The following PPP4R3A variants were observed in gnomAD, a reference collection of about 807,000 sequenced individuals.
PPP4R3A encodes the protein serine/threonine-protein phosphatase 4 regulatory subunit 3A.
Under a neutral mutation model 91.7 loss-of-function variants are expected in PPP4R3A, and 15 were observed. The ratio of observed to expected loss-of-function variants is 0.16; its 90% confidence interval spans 0.11 to 0.25. The LOEUF (loss-of-function observed/expected upper bound fraction) is 0.25, where lower values mean the gene tolerates loss of function less well. Among genes scored for constraint, PPP4R3A ranks in the 10% least tolerant of loss-of-function variants. The pLI is 1.00. For synonymous variants in PPP4R3A, 377 were observed against 348.7 expected (o/e 1.08, Z -0.91); for missense variants, 623 against 998.4 (o/e 0.62, Z 5.07).
chr14:91,490,320 T>C (rs1449533826), intron 2 of PPP4R3A, among the ~76,000 whole-genome samples: 6 of 152,196 alleles, frequency 3.9e-5, no homozygotes, highest in Admixed American at 3.9e-4. Context: ...TAAGACCCTA[T>C]TCAGGAATCT....
intron 1 of PPP4R3A, among the ~76,000 whole-genome samples, chr14:91,507,356 T>C (rs1891369000): frequency 1.1e-5 from 1 of 88,536 alleles, no homozygotes; most frequent in African/African-American, 4.1e-5. Context: ...ATATACTATA[T>C]AGTATATATA....
Position 91,475,884 on chromosome 14 carries a change from T to C in PPP4R3A, c.1193A>G (p.Glu398Gly), listed in dbSNP as rs150940624. 2 of 1,613,650 alleles carry C rather than the reference T, an allele frequency of 1.2e-6. No homozygotes were observed. Among genetic ancestry groups the C allele is most frequent in the African/African-American group, 2.7e-5 (2 of 74,916 alleles). ...LVEYNPSMVR[E>G]FVMQEAQQND... Reference sequence around the variant, plus strand: ...CTGTTGTGCCTCCTGCATGACAAACTCTCGTACCATGGATGGATTATATTC... The same window carrying C: ...CTGTTGTGCCTCCTGCATGACAAACCCTCGTACCATGGATGGATTATATTC... Residue 398 changes from glutamate to glycine, a missense_variant, in exon 7 of 15, where the codon GAG becomes GGG. Coordinates refer to ENST00000554943, the MANE Select transcript of PPP4R3A (RefSeq NM_001366432.2).
At position 91,510,195 on chromosome 14, in the gene PPP4R3A, C is replaced by G; in HGVS notation, c.-548G>C. 1 of 153,954 alleles carries G rather than the reference C, an allele frequency of 6.5e-6. No homozygotes were observed. The highest frequency in any genetic ancestry group is 1.4e-5 in the Non-Finnish European group (1 of 69,440). 9.5% of individuals were successfully genotyped at this position (153,954 alleles called of 1,614,324 possible). A position where few individuals can be genotyped will look rare whatever the true frequency, so the allele number is the denominator to read the frequency against. Reference sequence around the variant, plus strand: ...CTGCCCGGGAGACTCTGAGGGCCCCCGGCCGCCCAAGCGACCCGGACTAGT... The same window carrying G: ...CTGCCCGGGAGACTCTGAGGGCCCCGGGCCGCCCAAGCGACCCGGACTAGT... On this transcript the variant is annotated 5_prime_UTR_variant, in exon 1 of 15. Coordinates refer to ENST00000554943, the MANE Select transcript of PPP4R3A (RefSeq NM_001366432.2).
At chr14:91,509,432 G>A (rs1299181245) in intron 1 of PPP4R3A, 74 bp downstream of exon 1, 4 of 1,527,024 alleles carry the variant, frequency 2.6e-6, no homozygotes, top group Non-Finnish European at 3.5e-6. Context: ...CGAGCGCCAT[G>A]CCCCGCAAGA....
At chr14:91,507,412 ACT>A (rs1891404936) in intron 1 of PPP4R3A, among the ~76,000 whole-genome samples, 1 of 101,624 alleles carries the variant, frequency 9.8e-6, no homozygotes, top group Non-Finnish European at 2.2e-5. Context: ...AATTATATAT[ACT>A]ATATAATATA....
intron 1 of PPP4R3A, among the ~76,000 whole-genome samples, chr14:91,500,390 G>A (rs933814496): frequency 5.9e-5 from 9 of 152,020 alleles, no homozygotes; most frequent in African/African-American, 1.9e-4. Context: ...TAATAGAGAC[G>A]GGGTTTCACC....
At chr14:91,508,697 T>C (rs1891565701) in intron 1 of PPP4R3A, among the ~76,000 whole-genome samples, 1 of 152,206 alleles carries the variant, frequency 6.6e-6, no homozygotes, top group Non-Finnish European at 1.5e-5. Context: ...AACAACTTAG[T>C]CTTTGAACCT....
chr14:91,510,285 C>T lies in PPP4R3A; in HGVS notation c.-638G>A, dbSNP rs555564508. The T allele has an allele frequency of 6.5e-6, 1 of 152,790 alleles. No homozygotes were observed. The highest frequency in any genetic ancestry group is 1.5e-5 in the Non-Finnish European group (1 of 68,494). 9.5% of individuals were successfully genotyped at this position (152,790 alleles called of 1,614,324 possible). A position where few individuals can be genotyped will look rare whatever the true frequency, so the allele number is the denominator to read the frequency against. The stretch of plus-strand genomic sequence containing the variant: ...CTCACACAGCCAAAACCGCCGCCAT[C>T]TTGGTTCGCCCCTCAAAAGCGGCGC... On this transcript the variant is annotated 5_prime_UTR_variant, in exon 1 of 15. Coordinates refer to ENST00000554943, the MANE Select transcript of PPP4R3A (RefSeq NM_001366432.2).
At chr14:91,504,991 T>C (rs2140168624) in intron 1 of PPP4R3A, among the ~76,000 whole-genome samples, 1 of 152,342 alleles carries the variant, frequency 6.6e-6, no homozygotes, top group South Asian at 2.1e-4. Context: ...AGCCTTTCTA[T>C]ACCCATGCTA....
Position 91,475,454 on chromosome 14 carries a change from T to G in PPP4R3A, c.1266+357A>C, listed in dbSNP as rs1889139105. ...TCTTCATTCTTGGCGATTTTGAGAATCTACCCTAAAGTCAATGTTTTCCTA... is the reference window on the plus strand; with the variant it reads ...TCTTCATTCTTGGCGATTTTGAGAAGCTACCCTAAAGTCAATGTTTTCCTA... On this transcript the variant is annotated intron_variant, in intron 7 of 14. Coordinates refer to ENST00000554943, the MANE Select transcript of PPP4R3A (RefSeq NM_001366432.2). 5 of 206,074 alleles carry G rather than the reference T, an allele frequency of 2.4e-5. No homozygotes were observed. In the South Asian group the frequency reaches 3.8e-4, roughly 16 times the overall value. 12.8% of individuals were successfully genotyped at this position (206,074 alleles called of 1,614,324 possible).
chr14:91,474,515 T>C (rs893183853), intron 7 of PPP4R3A: 1 of 152,214 alleles, frequency 6.6e-6, no homozygotes, highest in African/African-American at 2.4e-5. Flanking sequence ...AGAGTCCTAC[T>C]GTGTGTATTT....
chr14:91,478,869 T>A (rs2140106858), intron 4 of PPP4R3A, among the ~76,000 whole-genome samples: 1 of 152,354 alleles, frequency 6.6e-6, no homozygotes, highest in East Asian at 1.9e-4. Flanking sequence ...TTTATTGTCT[T>A]CCTTTCTATA....
chr14:91,488,339 A>C (rs1041472837), intron 2 of PPP4R3A, among the ~76,000 whole-genome samples: 2 of 152,240 alleles, frequency 1.3e-5, no homozygotes, highest in African/African-American at 4.8e-5. Flanking sequence ...ACAGATAAGA[A>C]TCTGATTTGG....
chr14:91,509,998 C>CTCCGCGAAGCAGCTT lies in PPP4R3A; in HGVS notation c.-366_-352dup. ...GCCCTGCTCCCGCCTCCGCCATGATCTCCGCGAAGCAGCTTCCCGCGCCGC... is the reference window on the plus strand; with the variant it reads ...GCCCTGCTCCCGCCTCCGCCATGATCTCCGCGAAGCAGCTTTCCGCGAAGCAGCTTCCCGCGCCGC... On this transcript the variant is annotated 5_prime_UTR_variant, in exon 1 of 15. Transcript: ENST00000554943. 1 of 983,566 alleles carries CTCCGCGAAGCAGCTT rather than the reference C, an allele frequency of 1.0e-6. No homozygotes were observed. The highest frequency in any genetic ancestry group is 1.2e-6 in the Non-Finnish European group (1 of 823,822). 60.9% of individuals were successfully genotyped at this position (983,566 alleles called of 1,614,324 possible). A position where few individuals can be genotyped will look rare whatever the true frequency, so the allele number is the denominator to read the frequency against.
At chr14:91,461,359 A>G in intron 14 of PPP4R3A, 22 bp downstream of exon 14, 1 of 1,589,786 alleles carries the variant, frequency 6.3e-7, no homozygotes, top group Non-Finnish European at 8.6e-7. Context: ...AAAAGGGGGC[A>G]AAATGGGAGT....
At chr14:91,459,476 GTT>G (rs1463122888) in intron 14 of PPP4R3A, among the ~76,000 whole-genome samples, 3 of 152,108 alleles carry the variant, frequency 2.0e-5, no homozygotes, top group Non-Finnish European at 2.9e-5. Flanking sequence ...AATGAAAAAT[GTT>G]TGTTTCAAGA....
rs1891676839 is a variant in PPP4R3A at position 91,509,831 on chromosome 14, G to A, written c.-184C>T. ...GGCCCGCTCCAGGGACCGAGCTCTG[G>A]GCCGCCGCCTTTCCTCGCCTCCGGC... On this transcript the variant is annotated 5_prime_UTR_variant, in exon 1 of 15. Transcript: ENST00000554943. 8.5e-7 allele frequency: 1 copy of A among 1,179,786 alleles called. No individual in the cohort carries two copies. Among genetic ancestry groups the A allele is most frequent in the Non-Finnish European group, 1.0e-6 (1 of 957,344 alleles). The allele number at this position is 1,179,786 out of a possible 1,614,324, so 73.1% of individuals were successfully genotyped here. A position where few individuals can be genotyped will look rare whatever the true frequency, so the allele number is the denominator to read the frequency against.
rs1257940307 is a variant in PPP4R3A, at chr14:91,457,999, A to AACGTTAGGTTATATT, written c.*745_*759dup. On this transcript the variant is annotated 3_prime_UTR_variant, in exon 15 of 15. Transcript: ENST00000554943. ...CACATGGTAAAACAGGTACCAGCACAACGTTAGGTTATATTACATCAAAAA... is the reference window on the plus strand; with the variant it reads ...CACATGGTAAAACAGGTACCAGCACAACGTTAGGTTATATTACGTTAGGTTATATTACATCAAAAA... The AACGTTAGGTTATATT allele has an allele frequency of 2.0e-5, 3 of 152,626 alleles. No individual in the cohort carries two copies. Among genetic ancestry groups the AACGTTAGGTTATATT allele is most frequent in the Non-Finnish European group, 4.4e-5 (3 of 68,046 alleles). 9.5% of individuals were successfully genotyped at this position (152,626 alleles called of 1,614,324 possible).
intron 9 of PPP4R3A, 100 bp downstream of exon 9, chr14:91,472,933 T>C (rs945924924): frequency 2.0e-6 from 2 of 1,007,454 alleles, no homozygotes; most frequent in African/African-American, 3.2e-5. Context: ...TCCCAGCCTC[T>C]ACCTCCCACT....
Sources: gnomAD v4.1 joint callset for allele counts (sites outside exome capture counted in the v4.1 genomes callset) on GRCh38, gnomAD v4.1.1 for gene constraint, MANE v1.5 for transcripts, NCBI Gene and HGNC (gene_info 2026-07-23, HGNC 2026-07-21) for gene names.